DIAPH3: variants seen among roughly 807,000 people sequenced by gnomAD.
The protein encoded by DIAPH3 is protein diaphanous homolog 3.
Under a neutral mutation model 144.3 loss-of-function variants are expected in DIAPH3, and 117 were observed. That is an observed-to-expected ratio of 0.81 (90% CI 0.70 to 0.95). DIAPH3 has a LOEUF of 0.95. Ranked by LOEUF, DIAPH3 falls within the 40% of genes least tolerant of loss-of-function variation. The pLI, the probability that DIAPH3 is intolerant of heterozygous loss-of-function variation, is 0.00. For missense variants in DIAPH3, 1,421 were observed against 1,412.7 expected, an observed-to-expected ratio of 1.01 and a Z score of -0.09; for synonymous variants, 519 against 488.9, an observed-to-expected ratio of 1.06 and a Z score of -0.81.
chr13:59,779,194 G>A (rs2038594492), intron 25 of DIAPH3, among the ~76,000 whole-genome samples: 1 of 152,078 alleles, frequency 6.6e-6, no homozygotes, highest in Non-Finnish European at 1.5e-5. Flanking sequence ...ATGCATAATG[G>A]GAAGAATACA....
intron 24 of DIAPH3, among the ~76,000 whole-genome samples, 162 bp from the exon 25 acceptor site, chr13:59,811,085 C>T (rs2040449111): frequency 6.6e-6 from 1 of 151,910 alleles, no homozygotes; most frequent in African/African-American, 2.4e-5. Context: ...GCACAGAAAC[C>T]CTTGTTAACT....
intron 9 of DIAPH3, among the ~76,000 whole-genome samples, chr13:60,006,953 G>A (rs2052908790): frequency 6.6e-6 from 1 of 152,138 alleles, no homozygotes; most frequent in Admixed American, 6.5e-5. Context: ...TATTCGAAGA[G>A]AACCAAATCA....
At chr13:59,924,921 A>G (rs780742154) in intron 17 of DIAPH3, 51 bp from the exon 18 acceptor site, 1 of 1,552,896 alleles carries the variant, frequency 6.4e-7, no homozygotes, top group East Asian at 2.3e-5. Flanking sequence ...ATTCAAATAC[A>G]AAAGTGGAAA....
At chr13:59,873,677 CTTTTTTT>C (rs57461813) in intron 21 of DIAPH3, among the ~76,000 whole-genome samples, 7 of 128,914 alleles carry the variant, frequency 5.4e-5, no homozygotes, top group East Asian at 2.1e-4. Flanking sequence ...ACCACTTTTT[CTTTTTTT>C]TTTTTTTTTT....
At chr13:59,829,874 A>G (rs1004137995) in intron 24 of DIAPH3, among the ~76,000 whole-genome samples, 3 of 151,868 alleles carry the variant, frequency 2.0e-5, no homozygotes, top group Non-Finnish European at 4.4e-5. Flanking sequence ...GTATGGAGTG[A>G]AGACAGTGGT....
chr13:59,959,115 C>T (rs977346493), intron 17 of DIAPH3, among the ~76,000 whole-genome samples: 1 of 151,956 alleles, frequency 6.6e-6, no homozygotes, highest in African/African-American at 2.4e-5. Context: ...ACCTCAGGTG[C>T]TCCACCCACC....
At chr13:59,834,752 A>C (rs73543232) in intron 23 of DIAPH3, among the ~76,000 whole-genome samples, 94 of 151,882 alleles carry the variant, frequency 6.2e-4, no homozygotes, top group African/African-American at 2.2e-3. Context: ...AAAATACGTG[A>C]GATACTCAAC....
At chr13:59,817,397 ATTG>A (rs755365811) in intron 24 of DIAPH3, among the ~76,000 whole-genome samples, 88 of 151,962 alleles carry the variant, frequency 5.8e-4, no homozygotes, top group Non-Finnish European at 1.1e-3. Context: ...CCATTTTTAA[ATTG>A]TTGTATCTTT....
intron 2 of DIAPH3, among the ~76,000 whole-genome samples, chr13:60,119,931 G>A (rs562330830): frequency 5.6e-4 from 85 of 152,040 alleles, no homozygotes; most frequent in Non-Finnish European, 1.0e-3. Flanking sequence ...ATGAATGAAT[G>A]AGCAATTACT....
intron 14 of DIAPH3, 126 bp downstream of exon 14, chr13:59,980,669 G>A (rs1364511454): frequency 2.4e-6 from 2 of 822,740 alleles, no homozygotes; most frequent in Non-Finnish European, 2.0e-6. Context: ...CTTGGTGGAG[G>A]GCATCTATGC....
At chr13:59,864,409 C>A (rs755865644) in intron 21 of DIAPH3, among the ~76,000 whole-genome samples, 1 of 152,064 alleles carries the variant, frequency 6.6e-6, no homozygotes, top group Non-Finnish European at 1.5e-5. Flanking sequence ...TGTTCCTACT[C>A]TGAATTCTCG....
At position 59,714,359 on chromosome 13, in the gene DIAPH3, C is replaced by CA. The variant is rs398022997; in HGVS notation, c.3320-47514dup. On this transcript the variant is annotated intron_variant, in intron 27 of 27. Coordinates refer to ENST00000400324, the MANE Select transcript of DIAPH3 (RefSeq NM_001042517.2). ...TGGGCGACAGAGCGAGACTCCGTCTCAAAAAAAAAAAAAAAAAAAAAAAAA... is the reference window on the plus strand; with the variant it reads ...TGGGCGACAGAGCGAGACTCCGTCTCAAAAAAAAAAAAAAAAAAAAAAAAAA... Among the ~76,000 whole-genome samples, 81 of 90,052 alleles carry CA rather than the reference C, an allele frequency of 9.0e-4. 1 individual carries two copies. The highest frequency in any genetic ancestry group is 3.2e-3 in the African/African-American group (72 of 22,806). 59.1% of individuals were successfully genotyped at this position (90,052 alleles called of 152,430 possible).
At chr13:59,728,638 A>AC (rs2035722875) in intron 27 of DIAPH3, among the ~76,000 whole-genome samples, 1 of 152,112 alleles carries the variant, frequency 6.6e-6, no homozygotes, top group Non-Finnish European at 1.5e-5. Flanking sequence ...GTTAATTGGA[A>AC]CAAGTTGACT....
At chr13:59,688,554 T>C (rs1181097493) in intron 27 of DIAPH3, among the ~76,000 whole-genome samples, 1 of 151,980 alleles carries the variant, frequency 6.6e-6, no homozygotes, top group Non-Finnish European at 1.5e-5. Context: ...GTACTGTCAT[T>C]GGTCTGAAAG....
chr13:59,940,078 C>T (rs1225430646), intron 17 of DIAPH3, among the ~76,000 whole-genome samples: 1 of 152,146 alleles, frequency 6.6e-6, no homozygotes, highest in Non-Finnish European at 1.5e-5. Flanking sequence ...CCTGCCCCCA[C>T]TCCCCTAAAC....
intron 27 of DIAPH3, among the ~76,000 whole-genome samples, chr13:59,730,683 A>G (rs2138977664): frequency 6.6e-6 from 1 of 152,330 alleles, no homozygotes; most frequent in South Asian, 2.1e-4. Flanking sequence ...TTGAGATTTG[A>G]GGCCATTCTG....
intron 27 of DIAPH3, among the ~76,000 whole-genome samples, chr13:59,762,243 G>A (rs1245796120): frequency 6.6e-6 from 1 of 151,708 alleles, no homozygotes; most frequent in East Asian, 1.9e-4. Context: ...TTGTATTTTA[G>A]TAGAGACGGG....
intron 7 of DIAPH3, among the ~76,000 whole-genome samples, chr13:60,014,736 T>C (rs2053513270): frequency 6.6e-6 from 1 of 152,038 alleles, no homozygotes; most frequent in African/African-American, 2.4e-5. Context: ...ACAAAAATAA[T>C]CGTACCACCA....
intron 22 of DIAPH3, among the ~76,000 whole-genome samples, chr13:59,848,602 T>C (rs1192451916): frequency 3.1e-5 from 4 of 129,430 alleles, no homozygotes; most frequent in African/African-American, 1.1e-4. Flanking sequence ...TTACTGAGAA[T>C]GATGATTTCC....
Sources: gnomAD v4.1 joint callset for allele counts (sites outside exome capture counted in the v4.1 genomes callset) on GRCh38, gnomAD v4.1.1 for gene constraint, MANE v1.5 for transcripts, NCBI Gene and HGNC (gene_info 2026-07-23, HGNC 2026-07-21) for gene names.